Variants in CCDC33 observed in about 807,000 individuals in gnomAD.
CCDC33 encodes the protein coiled-coil domain-containing protein 33.
A neutral mutation model predicts 91.9 loss-of-function variants in CCDC33; 94 were observed. The ratio of observed to expected loss-of-function variants is 1.02; its 90% CI spans 0.87 to 1.21. The LOEUF (loss-of-function observed/expected upper bound fraction) is 1.21. CCDC33 is among the 50% of genes most tolerant of loss of function. The pLI is 0.00. For synonymous variants in CCDC33, 396 were observed against 374.5 expected (o/e 1.06, Z -0.66); for missense variants, 940 against 935.5 (o/e 1.00, Z -0.06).
At chr15:74,320,195 G>A (rs765972625) in intron 11 of CCDC33, among the ~76,000 whole-genome samples, 18 of 152,120 alleles carry the variant, frequency 1.2e-4, no homozygotes, top group African/African-American at 4.1e-4. Flanking sequence ...CAGAGCTTCC[G>A]GGCCTGGCTG....
At chr15:74,230,743 C>A (rs1340055290) in intron 2 of CCDC33, among the ~76,000 whole-genome samples, 2 of 152,140 alleles carry the variant, frequency 1.3e-5, no homozygotes, top group Non-Finnish European at 2.9e-5. Context: ...GTGGGGCTGC[C>A]TACCATGTGA....
intron 10 of CCDC33, among the ~76,000 whole-genome samples, chr15:74,289,930 C>T (rs2059554109): frequency 6.6e-6 from 1 of 152,196 alleles, no homozygotes. Context: ...CACTCCCTTC[C>T]CTTGCTCTGC....
chr15:74,290,170 A>G (rs2059559025), intron 10 of CCDC33, among the ~76,000 whole-genome samples: 1 of 137,094 alleles, frequency 7.3e-6, no homozygotes, highest in Non-Finnish European at 1.6e-5. Flanking sequence ...ACCATTTGTT[A>G]GGTTTCTTTT....
intron 17 of CCDC33, 41 bp from the exon 18 acceptor site, chr15:74,334,934 G>A: frequency 2.0e-6 from 3 of 1,509,430 alleles, no homozygotes; most frequent in Non-Finnish European, 2.8e-6. Context: ...GATTAGCCCT[G>A]CTGCCCATGG....
At chr15:74,336,210 G>A, downstream of CCDC33, 1 of 1,433,236 alleles carries the variant, frequency 7.0e-7, no homozygotes, top group Non-Finnish European at 9.1e-7. Flanking sequence ...CTCACTCTGG[G>A]CCTGGGCCTG....
At chr15:74,211,307 T>C (rs966355884) in intron 2 of CCDC33, among the ~76,000 whole-genome samples, 5 of 151,928 alleles carry the variant, frequency 3.3e-5, no homozygotes, top group African/African-American at 9.7e-5. Flanking sequence ...AATTGCAGGA[T>C]TGGGACACAC....
chr15:74,290,631 A>G (rs1567004817), intron 10 of CCDC33, among the ~76,000 whole-genome samples: 1 of 152,218 alleles, frequency 6.6e-6, no homozygotes, highest in Admixed American at 6.5e-5. Context: ...AGGGTGCTTC[A>G]GGCAAAGGGA....
At chr15:74,273,954 C>T (rs2076387670) in intron 7 of CCDC33, among the ~76,000 whole-genome samples, 2 of 151,782 alleles carry the variant, frequency 1.3e-5, no homozygotes, top group Non-Finnish European at 2.9e-5. Context: ...GCCTCAGCCT[C>T]CCAGGTAGCT....
At chr15:74,334,107 T>C (rs1045457841) in intron 17 of CCDC33, 140 bp downstream of exon 17, 4 of 697,374 alleles carry the variant, frequency 5.7e-6, no homozygotes, top group East Asian at 3.0e-5. Flanking sequence ...CGGGGTTCAG[T>C]GTGCAACCAG....
intron 3 of CCDC33, among the ~76,000 whole-genome samples, chr15:74,265,269 A>G: frequency 6.6e-6 from 1 of 152,134 alleles, no homozygotes; most frequent in East Asian, 1.9e-4. Context: ...AGAGAAGCAG[A>G]GGGCAAGGGT....
rs2060396651 is a variant in CCDC33 at position 74,330,114 on chromosome 15, T to A, written c.1291-75T>A. 4.0e-6 allele frequency: 6 copies of A among 1,484,614 alleles called. No individual in the cohort carries two copies. In the South Asian group the frequency reaches 8.5e-5, roughly 21 times the overall value. 92.0% of individuals were successfully genotyped at this position (1,484,614 alleles called of 1,614,324 possible). A position where few individuals can be genotyped will look rare whatever the true frequency, so the allele number is the denominator to read the frequency against. The stretch of plus-strand genomic sequence containing the variant: ...GGCCTTGTGGGGGACCCACTGACTT[T>A]CAAGTGTAGATGTGGATGTGGGACC... On this transcript the variant is annotated intron_variant, in intron 11 of 18. Transcript: ENST00000398814.
intron 10 of CCDC33, among the ~76,000 whole-genome samples, chr15:74,285,348 C>T (rs973094633): frequency 3.3e-5 from 5 of 152,176 alleles, no homozygotes; most frequent in Non-Finnish European, 7.3e-5. Flanking sequence ...TGCAAATAGG[C>T]AGAGACAGCA....
At chr15:74,287,728 G>T (rs2059503686) in intron 10 of CCDC33, among the ~76,000 whole-genome samples, 1 of 152,156 alleles carries the variant, frequency 6.6e-6, no homozygotes, top group Non-Finnish European at 1.5e-5. Context: ...GGCGGAGGTT[G>T]CAGTGAGCCG....
Position 74,280,887 on chromosome 15 carries a change from T to C in CCDC33, c.1023+86T>C, listed in dbSNP as rs1279019775. Reference sequence around the variant, plus strand: ...CCTGCCCCACCTCACCACACCTCCATAGGAGAATTTGGCTTCTCCAGAAGC... The same window carrying C: ...CCTGCCCCACCTCACCACACCTCCACAGGAGAATTTGGCTTCTCCAGAAGC... On this transcript the variant is annotated intron_variant, in intron 9 of 18. Transcript: ENST00000398814. The C allele has an allele frequency of 3.9e-6, 5 of 1,272,068 alleles. No homozygotes were observed. In the African/African-American group the frequency reaches 4.6e-5, roughly 12 times the overall value. The allele number at this position is 1,272,068 out of a possible 1,614,324, so 78.8% of individuals were successfully genotyped here. A position where few individuals can be genotyped will look rare whatever the true frequency, so the allele number is the denominator to read the frequency against.
chr15:74,208,360 C>T (rs189897281), intron 1 of CCDC33, among the ~76,000 whole-genome samples: 1 of 152,274 alleles, frequency 6.6e-6, no homozygotes, highest in Admixed American at 6.5e-5. Flanking sequence ...CCACGTTCTC[C>T]GTTCCCAGCA....
chr15:74,265,719 G>C (rs1447994964), intron 3 of CCDC33, among the ~76,000 whole-genome samples: 1 of 152,234 alleles, frequency 6.6e-6, no homozygotes, highest in Non-Finnish European at 1.5e-5. Flanking sequence ...TAGGACATTG[G>C]TGTTCTTCTT....
intron 2 of CCDC33, among the ~76,000 whole-genome samples, chr15:74,219,989 C>G (rs2074547954): frequency 6.6e-6 from 1 of 152,138 alleles, no homozygotes; most frequent in African/African-American, 2.4e-5. Context: ...AAGTGGAGCC[C>G]AGGTGGTGGA....
intron 2 of CCDC33, among the ~76,000 whole-genome samples, chr15:74,256,668 G>C (rs1461582389): frequency 6.6e-6 from 1 of 152,198 alleles, no homozygotes; most frequent in Non-Finnish European, 1.5e-5. Flanking sequence ...GCTGACAGAT[G>C]GTGCAGACAG....
intron 2 of CCDC33, among the ~76,000 whole-genome samples, chr15:74,247,152 A>G (rs1407567825): frequency 6.6e-6 from 1 of 151,922 alleles, no homozygotes; most frequent in African/African-American, 2.4e-5. Context: ...TCTCAAAAAA[A>G]AAAAGTAAAA....
Sources: gnomAD v4.1 joint callset for allele counts (sites outside exome capture counted in the v4.1 genomes callset) on GRCh38, gnomAD v4.1.1 for gene constraint, MANE v1.5 for transcripts, NCBI Gene and HGNC (gene_info 2026-07-23, HGNC 2026-07-21) for gene names.